SLC2A12: variants seen among roughly 807,000 people sequenced by gnomAD.
The protein encoded by SLC2A12 is solute carrier family 2, facilitated glucose transporter member 12.
In SLC2A12, 23 loss-of-function variants were observed where a neutral mutation model predicts 41.8. The ratio of observed to expected loss-of-function variants is 0.55; its 90% CI spans 0.40 to 0.78. The LOEUF (loss-of-function observed/expected upper bound fraction) is 0.78, where lower values mean the gene tolerates loss of function less well. SLC2A12 is among the 30% of genes least tolerant of loss of function. The pLI, the probability that SLC2A12 is intolerant of heterozygous loss-of-function variation, is 0.00. For synonymous variants in SLC2A12, 295 were observed against 285.9 expected (o/e 1.03, Z -0.32); for missense variants, 654 against 745.6 (o/e 0.88, Z 1.43).
At chr6:134,032,405 A>AATAT (rs1170558623) in intron 1 of SLC2A12, among the ~76,000 whole-genome samples, 12 of 118,064 alleles carry the variant, frequency 1.0e-4, no homozygotes, top group African/African-American at 3.6e-4. Flanking sequence ...TACAGGGAGA[A>AATAT]ATATATATAT....
chr6:134,036,640 A>G (rs940638466), intron 1 of SLC2A12, among the ~76,000 whole-genome samples: 29 of 152,226 alleles, frequency 1.9e-4, no homozygotes, highest in African/African-American at 6.8e-4. Flanking sequence ...TGAATGAATG[A>G]ATGAATGAAA....
chr6:134,006,490 T>C (rs1435123333), intron 3 of SLC2A12, among the ~76,000 whole-genome samples: 1 of 152,152 alleles, frequency 6.6e-6, no homozygotes, highest in South Asian at 2.1e-4. Flanking sequence ...TACTATGGGA[T>C]GATTATATTT....
chr6:134,052,217 C>G (rs532108135), intron 1 of SLC2A12, among the ~76,000 whole-genome samples, 161 bp downstream of exon 1: 2 of 146,358 alleles, frequency 1.4e-5, no homozygotes, highest in Non-Finnish European at 3.0e-5. Context: ...CTTCTCTCCA[C>G]TCATCCAGCG....
intron 2 of SLC2A12, among the ~76,000 whole-genome samples, chr6:134,010,890 C>T (rs945595845): frequency 5.3e-5 from 8 of 152,164 alleles, no homozygotes; most frequent in Non-Finnish European, 1.0e-4. Flanking sequence ...CTACCTATTT[C>T]AGGTTCCTGC....
chr6:133,991,276 C>A lies in SLC2A12; in HGVS notation c.1733G>T (p.Ser578Ile). Reference sequence around the variant, plus strand: ...TGGCACTAATTCTTCTTGGTGATGACTCATAAAACAAATGTTGTTTTTCAC... The same window carrying A: ...TGGCACTAATTCTTCTTGGTGATGAATCATAAAACAAATGTTGTTTTTCAC... ...NYVKNNICFM[S>I]HHQEELVPKQ... The change falls in exon 5 of 5, where the codon AGT (serine) becomes ATT (isoleucine). Residue 578 changes from serine (S) to isoleucine (I), a missense_variant. Coordinates refer to ENST00000275230, the MANE Select transcript of SLC2A12 (RefSeq NM_145176.3). 6.2e-7 allele frequency: 1 copy of A among 1,613,662 alleles called. No individual in the cohort carries two copies.
chr6:133,998,105 T>C (rs1776717054), intron 4 of SLC2A12, among the ~76,000 whole-genome samples: 1 of 152,198 alleles, frequency 6.6e-6, no homozygotes, highest in East Asian at 1.9e-4. Context: ...GACTCAAAAG[T>C]AACAGAAATG....
At chr6:134,036,629 GTGAATGAA>G (rs987692572) in intron 1 of SLC2A12, among the ~76,000 whole-genome samples, 1 of 152,102 alleles carries the variant, frequency 6.6e-6, no homozygotes, top group Non-Finnish European at 1.5e-5. Flanking sequence ...TGTTTGTCGA[GTGAATGAA>G]TGAATGAATG....
rs1312144944 is a variant in SLC2A12, at chr6:134,029,862, A to T, written c.104-141T>A. 1.0e-5 allele frequency: 11 copies of T among 1,087,788 alleles called. No individual in the cohort carries two copies. The Middle Eastern group carries it at 7.0e-4, about 69-fold the overall frequency. 67.4% of individuals were successfully genotyped at this position (1,087,788 alleles called of 1,614,324 possible). On this transcript the variant is annotated intron_variant, in intron 1 of 4. Transcript: ENST00000275230. ...ACACACAATTATGATAAAATAATAC[A>T]CTAACCAAAAAATGATTTGATATAG... is the stretch of plus-strand genomic sequence containing the variant.
chr6:134,027,042 C>G (rs1777122979), intron 2 of SLC2A12, among the ~76,000 whole-genome samples: 1 of 152,184 alleles, frequency 6.6e-6, no homozygotes, highest in African/African-American at 2.4e-5. Context: ...TGAGATTAAG[C>G]AGGCCAAACC....
In SLC2A12 at chr6:134,002,115, G is replaced by C; in HGVS notation, c.1582C>G (p.Pro528Ala). 1 of 1,595,952 alleles carries C rather than the reference G, an allele frequency of 6.3e-7. No homozygotes were observed. Among genetic ancestry groups the C allele is most frequent in the South Asian group, 1.1e-5 (1 of 87,562 alleles). Residue 528 changes from proline to alanine, a missense_variant, in exon 4 of 5, where the codon CCA becomes GCA. Around this residue, in one of 3 missense-constraint regions of SLC2A12, gnomAD observed 134 missense variants for 180.5 expected, o/e 0.74. Transcript: ENST00000275230. ...FLTVTDLIGLPWVCFIYTIMS... is the reference protein window; with the variant it reads ...FLTVTDLIGLAWVCFIYTIMS... Reference sequence around the variant, plus strand: ...ATTGTATATATAAAGCACACCCATGGCAGGCCAATAAGATCTATAAAGGAC... The same window carrying C: ...ATTGTATATATAAAGCACACCCATGCCAGGCCAATAAGATCTATAAAGGAC...
intron 2 of SLC2A12, among the ~76,000 whole-genome samples, chr6:134,021,421 A>C (rs1305033159): frequency 6.6e-6 from 1 of 152,232 alleles, no homozygotes; most frequent in African/African-American, 2.4e-5. Flanking sequence ...AAATGCTTAC[A>C]GTCTATAACT....
chr6:134,008,747 T>C (rs538818045), intron 2 of SLC2A12, among the ~76,000 whole-genome samples: 13 of 152,240 alleles, frequency 8.5e-5, no homozygotes, highest in Admixed American at 7.9e-4. Context: ...ATAAATCCGA[T>C]TTTGAAGCTA....
intron 4 of SLC2A12, among the ~76,000 whole-genome samples, chr6:134,000,398 T>C (rs907947786): frequency 2.6e-5 from 4 of 152,222 alleles, no homozygotes; most frequent in African/African-American, 9.6e-5. Flanking sequence ...TAAATACACA[T>C]GCACACATAT....
chr6:134,001,136 C>T (rs1048899011), intron 4 of SLC2A12, among the ~76,000 whole-genome samples: 2 of 120,128 alleles, frequency 1.7e-5, no homozygotes, highest in African/African-American at 6.4e-5. Flanking sequence ...AATGTTCACC[C>T]GTTGGTTGGG....
intron 2 of SLC2A12, among the ~76,000 whole-genome samples, chr6:134,011,402 G>A (rs1239608174): frequency 1.3e-5 from 2 of 151,648 alleles, no homozygotes; most frequent in Non-Finnish European, 2.9e-5. Context: ...CAGGTGGATC[G>A]CTTGAGCCCA....
rs944588144 is a variant in SLC2A12, at chr6:134,007,374, G to A, written c.1445-440C>T. 3.9e-4 allele frequency among the ~76,000 whole-genome samples: 59 copies of A among 152,242 alleles called. 1 individual carries two copies. Among genetic ancestry groups the A allele is most frequent in the Non-Finnish European group, 1.9e-4 (13 of 68,050 alleles). ...TCAGCTCTCTCCCCCTGACCTTGGA[G>A]GAGTCAGAAATCACAGCTAATGAGT... On this transcript the variant is annotated intron_variant, in intron 2 of 4. Coordinates refer to ENST00000275230, the MANE Select transcript of SLC2A12 (RefSeq NM_145176.3).
intron 1 of SLC2A12, among the ~76,000 whole-genome samples, chr6:134,031,139 C>T (rs549319272): frequency 1.6e-3 from 250 of 152,162 alleles, no homozygotes; most frequent in Non-Finnish European, 2.8e-3. Context: ...CGCCTGTAAT[C>T]CCAGCACTTT....
In SLC2A12 at chr6:133,991,003, G is replaced by T; in HGVS notation, c.*152C>A. The T allele has an allele frequency of 2.4e-6, 2 of 840,668 alleles. No homozygotes were observed. The highest frequency in any genetic ancestry group is 3.5e-6 in the Non-Finnish European group (2 of 564,282). 52.1% of individuals were successfully genotyped at this position (840,668 alleles called of 1,614,324 possible). The stretch of plus-strand genomic sequence containing the variant: ...TGAGGTTCCTTCTGGGGAGGAGGGG[G>T]ATTAAAGGCTGTCTTTATCATTTCA... On this transcript the variant is annotated 3_prime_UTR_variant, in exon 5 of 5. Coordinates refer to ENST00000275230, the MANE Select transcript of SLC2A12 (RefSeq NM_145176.3).
chr6:134,012,951 G>A (rs990593214), intron 2 of SLC2A12, among the ~76,000 whole-genome samples: 4 of 152,082 alleles, frequency 2.6e-5, no homozygotes, highest in Non-Finnish European at 5.9e-5. Context: ...CTCCAGCCTA[G>A]GCAACAGAGC....
Sources: allele counts gnomAD v4.1 joint callset (sites outside exome capture counted in the v4.1 genomes callset), GRCh38; gene constraint gnomAD v4.1.1; regional missense constraint gnomAD v4.1.1; transcripts MANE v1.5; gene names NCBI Gene and HGNC (gene_info 2026-07-23, HGNC 2026-07-21).